Variants in PTPRK observed in about 807,000 individuals in gnomAD.
PTPRK encodes receptor-type tyrosine-protein phosphatase kappa.
PTPRK carries 75 observed loss-of-function variants against 178.0 expected under a neutral mutation model. The ratio of observed to expected loss-of-function variants is 0.42; its 90% CI spans 0.35 to 0.51. PTPRK has a LOEUF of 0.51. Among genes scored for constraint, PTPRK ranks in the 20% least tolerant of loss-of-function variants. The pLI, the probability that PTPRK is intolerant of heterozygous loss-of-function variation, is 0.02. For missense variants in PTPRK, 1,441 were observed against 1,797.8 expected, an observed-to-expected ratio of 0.80 and a Z score of 3.59; for synonymous variants, 637 against 620.6, an observed-to-expected ratio of 1.03 and a Z score of -0.39.
At chr6:127,975,869 C>T (rs1361915804) in intron 27 of PTPRK, among the ~76,000 whole-genome samples, 4 of 144,646 alleles carry the variant, frequency 2.8e-5, no homozygotes, top group Admixed American at 6.7e-5. Context: ...GATGGGGTTT[C>T]ACCACGTTGC....
intron 3 of PTPRK, among the ~76,000 whole-genome samples, chr6:128,313,513 GT>G (rs776792611): frequency 2.6e-5 from 4 of 152,140 alleles, no homozygotes; most frequent in Non-Finnish European, 4.4e-5. Flanking sequence ...TGGACATAAA[GT>G]TGGGTCTTAA....
intron 3 of PTPRK, among the ~76,000 whole-genome samples, chr6:128,246,667 G>A (rs1277322458): frequency 6.6e-6 from 1 of 152,226 alleles, no homozygotes; most frequent in Non-Finnish European, 1.5e-5. Flanking sequence ...TTGGGCTAAT[G>A]CTCAGGTCAG....
At chr6:127,981,067 A>G in intron 25 of PTPRK, 49 bp downstream of exon 25, 1 of 1,518,642 alleles carries the variant, frequency 6.6e-7, no homozygotes, top group South Asian at 1.2e-5. Flanking sequence ...CAGTTGCATT[A>G]TGTAGCTTTC....
intron 1 of PTPRK, among the ~76,000 whole-genome samples, chr6:128,433,039 G>T (rs1845040580): frequency 6.6e-6 from 1 of 151,920 alleles, no homozygotes; most frequent in Non-Finnish European, 1.5e-5. Flanking sequence ...GTGATATTTA[G>T]ATTCATGTAT....
intron 7 of PTPRK, among the ~76,000 whole-genome samples, chr6:128,182,924 A>T (rs1305354019): frequency 6.6e-6 from 1 of 152,202 alleles, no homozygotes; most frequent in Non-Finnish European, 1.5e-5. Context: ...TAAAAAAATA[A>T]AGCAGGTGAG....
At position 128,023,835 on chromosome 6, in the gene PTPRK, CT is replaced by C. The variant is rs79086877; in HGVS notation, c.2195-14568del. On this transcript the variant is annotated intron_variant, in intron 13 of 29. Transcript: ENST00000368226. ...TGCCTGGCTAATGTTTTCTTTCTTTCTTTTTTTTTTTTTTGGTAGAGGTGAG... is the reference window on the plus strand; with the variant it reads ...TGCCTGGCTAATGTTTTCTTTCTTTCTTTTTTTTTTTTTGGTAGAGGTGAG... 6.9e-3 allele frequency among the ~76,000 whole-genome samples: 976 copies of C among 141,056 alleles called. 3 individuals carry two copies. The highest frequency in any genetic ancestry group is 6.1e-3 in the Non-Finnish European group (390 of 63,660). The allele number at this position is 141,056 out of a possible 152,430, so 92.5% of individuals were successfully genotyped here.
intron 2 of PTPRK, among the ~76,000 whole-genome samples, chr6:128,392,676 G>C (rs561140317): frequency 5.9e-5 from 9 of 152,076 alleles, no homozygotes; most frequent in African/African-American, 2.2e-4. Flanking sequence ...TATTCTCTAT[G>C]GGTTCTGAAA....
chr6:128,280,405 C>T (rs2128302069), intron 3 of PTPRK, among the ~76,000 whole-genome samples: 1 of 152,192 alleles, frequency 6.6e-6, no homozygotes, highest in South Asian at 2.1e-4. Flanking sequence ...TATCACTATC[C>T]TTCTCCTCCT....
chr6:128,344,411 A>G (rs1388636076), intron 2 of PTPRK, among the ~76,000 whole-genome samples: 1 of 152,204 alleles, frequency 6.6e-6, no homozygotes, highest in African/African-American at 2.4e-5. Context: ...GTGTTTATCA[A>G]AATAATGTAA....
chr6:128,219,129 T>G, intron 5 of PTPRK, 33 bp from the exon 6 acceptor site: 2 of 1,549,834 alleles, frequency 1.3e-6, no homozygotes, highest in Admixed American at 3.6e-5. Context: ...AAAAACAGGT[T>G]CTTACTATTT....
At chr6:128,513,538 GA>G (rs1367461182) in intron 1 of PTPRK, among the ~76,000 whole-genome samples, 4 of 151,126 alleles carry the variant, frequency 2.6e-5, no homozygotes, top group African/African-American at 9.8e-5. Context: ...AAAAAGAAAG[GA>G]AAAAGAAATA....
At chr6:128,342,005 C>T (rs2128331851) in intron 2 of PTPRK, among the ~76,000 whole-genome samples, 1 of 152,242 alleles carries the variant, frequency 6.6e-6, no homozygotes, top group Admixed American at 6.5e-5. Flanking sequence ...GTAATCCCAG[C>T]ACTTTAGGAG....
chr6:128,030,667 C>T (rs1177319114), intron 13 of PTPRK, among the ~76,000 whole-genome samples: 1 of 152,200 alleles, frequency 6.6e-6, no homozygotes, highest in African/African-American at 2.4e-5. Flanking sequence ...CAGAACAACT[C>T]CTACCTGGCT....
chr6:128,512,234 G>A (rs1448049189), intron 1 of PTPRK, among the ~76,000 whole-genome samples: 1 of 152,006 alleles, frequency 6.6e-6, no homozygotes, highest in Non-Finnish European at 1.5e-5. Context: ...GAAATACACT[G>A]ATTTACAGTT....
chr6:128,129,035 T>C (rs937553423), intron 7 of PTPRK, among the ~76,000 whole-genome samples: 5 of 152,226 alleles, frequency 3.3e-5, no homozygotes, highest in Non-Finnish European at 7.4e-5. Flanking sequence ...ATATTTCCAC[T>C]AATTGCACAT....
At chr6:128,485,225 T>C (rs1852636937) in intron 1 of PTPRK, among the ~76,000 whole-genome samples, 1 of 152,222 alleles carries the variant, frequency 6.6e-6, no homozygotes, top group South Asian at 2.1e-4. Context: ...TTAGAACAGT[T>C]GGTTATATTA....
chr6:128,517,049 T>C (rs970998812), intron 1 of PTPRK, among the ~76,000 whole-genome samples: 6 of 151,358 alleles, frequency 4.0e-5, no homozygotes, highest in African/African-American at 1.5e-4. Context: ...AATAATTAAA[T>C]GAATGACTGG....
intron 2 of PTPRK, among the ~76,000 whole-genome samples, chr6:128,359,407 T>C (rs1466761110): frequency 1.3e-5 from 2 of 152,076 alleles, no homozygotes; most frequent in African/African-American, 4.8e-5. Flanking sequence ...TTTGACAACA[T>C]TTAATAGTAA....
At chr6:128,491,765 TTCTG>T (rs753795318) in intron 1 of PTPRK, 1 of 518,306 alleles carries the variant, frequency 1.9e-6, no homozygotes, top group East Asian at 5.5e-5. Context: ...CTGGCCAGGG[TTCTG>T]TGTGCGTGAT....
Sources: allele counts gnomAD v4.1 joint callset (sites outside exome capture counted in the v4.1 genomes callset), GRCh38; gene constraint gnomAD v4.1.1; transcripts MANE v1.5; gene names NCBI Gene and HGNC (gene_info 2026-07-23, HGNC 2026-07-21).